Variants in PTPN14 observed in about 807,000 individuals in gnomAD.
The protein encoded by PTPN14 is protein tyrosine phosphatase non-receptor type 14, also known as tyrosine-protein phosphatase non-receptor type 14.
Under a neutral mutation model 126.8 loss-of-function variants are expected in PTPN14, and 53 were observed. The ratio of observed to expected loss-of-function variants is 0.42; its 90% CI spans 0.34 to 0.53. The LOEUF is 0.53. Ranked by LOEUF, PTPN14 falls within the 20% of genes least tolerant of loss-of-function variation. The probability of loss-of-function intolerance (pLI) is 0.08; values close to 1 mark genes in which losing one functional copy is unlikely to be tolerated. For synonymous variants in PTPN14, 630 were observed against 599.3 expected, an observed-to-expected ratio of 1.05 and a Z score of -0.75; for missense variants, 1,257 against 1,552.9, an observed-to-expected ratio of 0.81 and a Z score of 3.20.
At chr1:214,453,788 T>G (rs951993875) in intron 2 of PTPN14, among the ~76,000 whole-genome samples, 1 of 152,050 alleles carries the variant, frequency 6.6e-6, no homozygotes, top group Admixed American at 6.5e-5. Context: ...CAGGCAAAGG[T>G]AGAAGCTGGA....
At chr1:214,526,861 G>A (rs1203039261) in intron 1 of PTPN14, among the ~76,000 whole-genome samples, 2 of 152,162 alleles carry the variant, frequency 1.3e-5, no homozygotes, top group East Asian at 1.9e-4. Flanking sequence ...GGAGGCCAAC[G>A]CGGGGGGATC....
At chr1:214,402,755 A>C in intron 6 of PTPN14, 128 bp downstream of exon 6, 1 of 1,010,986 alleles carries the variant, frequency 9.9e-7, no homozygotes, top group South Asian at 1.6e-5. Flanking sequence ...GAGCTGAGTC[A>C]CGTGGTGGAA....
chr1:214,397,186 T>G (rs1039508957), intron 8 of PTPN14, among the ~76,000 whole-genome samples: 21 of 152,278 alleles, frequency 1.4e-4, no homozygotes, highest in Admixed American at 1.3e-3. Context: ...TTCCAGAAGG[T>G]GGGCTATGCT....
intron 16 of PTPN14, chr1:214,372,286 A>C (rs755980065): frequency 5.6e-6 from 1 of 177,940 alleles, no homozygotes; most frequent in Non-Finnish European, 1.1e-5. Context: ...GGATGATGGC[A>C]TGTGGAGCTG....
chr1:214,415,695 G>A (rs1019296127), intron 3 of PTPN14, among the ~76,000 whole-genome samples: 4 of 152,108 alleles, frequency 2.6e-5, no homozygotes, highest in African/African-American at 9.7e-5. Context: ...GATGTCACAG[G>A]CATCATTACA....
chr1:214,364,667 C>T lies in PTPN14; in HGVS notation c.3280G>A (p.Glu1094Lys). 4 of 1,612,304 alleles carry T rather than the reference C, an allele frequency of 2.5e-6. No individual in the cohort carries two copies. Among genetic ancestry groups the T allele is most frequent in the Non-Finnish European group, 3.4e-6 (4 of 1,179,446 alleles). Residue 1094 changes from glutamate (E) to lysine (K), a missense_variant, in exon 18 of 19, where the codon GAG (glutamate) becomes AAG (lysine). Glu to Lys is a moderately conservative substitution (Grantham distance 56). Around this residue, in one of 3 missense-constraint regions of PTPN14, gnomAD observed 171 missense variants for 229.8 expected, o/e 0.74. Coordinates refer to ENST00000366956, the MANE Select transcript of PTPN14 (RefSeq NM_005401.5). The surrounding 1 kb of genome is among the most constrained non-coding windows in gnomAD (Gnocchi z 4.1). ...TGGCGACGGACCGACTGGATCTCCT[C>T]CAAGTAGGCTGCAGGACAAAATGCA... ...EDVQGFLSYL[E>K]EIQSVRRHTN...
At position 214,484,136 on chromosome 1, in the gene PTPN14, G is replaced by A. The variant is rs567304203; in HGVS notation, c.-154-19179C>T. Among the ~76,000 whole-genome samples the A allele has an allele frequency of 5.9e-5, 9 of 152,330 alleles. No individual in the cohort carries two copies. The South Asian group carries it at 1.4e-3, about 25-fold the overall frequency. ...TAGGAATTTGGTGTTGGATGTGGTG[G>A]CTCATGCCTGTAATCCCAGCACTTC... On this transcript the variant is annotated intron_variant, in intron 1 of 18. Transcript: ENST00000366956.
intron 1 of PTPN14, among the ~76,000 whole-genome samples, chr1:214,503,274 G>C (rs1229146554): frequency 1.3e-5 from 2 of 152,188 alleles, no homozygotes; most frequent in Non-Finnish European, 2.9e-5. Flanking sequence ...CTAATGACAT[G>C]TAAGAGATAA....
intron 2 of PTPN14, among the ~76,000 whole-genome samples, chr1:214,456,998 G>A (rs549165014): frequency 2.0e-5 from 3 of 152,282 alleles, no homozygotes; most frequent in African/African-American, 7.2e-5. Flanking sequence ...TTATCTGCCA[G>A]GGCATGAGGT....
At chr1:214,455,569 G>T (rs1402236294) in intron 2 of PTPN14, among the ~76,000 whole-genome samples, 2 of 152,134 alleles carry the variant, frequency 1.3e-5, no homozygotes, top group Non-Finnish European at 2.9e-5. Flanking sequence ...TCTGCAATAA[G>T]TTTACTGCAA....
intron 13 of PTPN14, among the ~76,000 whole-genome samples, chr1:214,380,560 G>T (rs1179358634): frequency 6.6e-6 from 1 of 152,176 alleles, no homozygotes; most frequent in Non-Finnish European, 1.5e-5. Flanking sequence ...TAAAAGCGGC[G>T]GAACCATCCA....
At position 214,352,652 on chromosome 1, in the gene PTPN14, T is replaced by C. The variant is rs1657727986; in HGVS notation, c.*5270A>G. ...CGTTCAAGAGAAGTATCAAATGCAG[T>C]TTAACATCTTACAGCTTTATTTCCA... On this transcript the variant is annotated 3_prime_UTR_variant, in exon 19 of 19. Coordinates refer to ENST00000366956, the MANE Select transcript of PTPN14 (RefSeq NM_005401.5). 1 of 152,236 alleles carries C rather than the reference T, an allele frequency of 6.6e-6. No individual in the cohort carries two copies. The highest frequency in any genetic ancestry group is 2.4e-5 in the African/African-American group (1 of 41,458). 9.4% of individuals were successfully genotyped at this position (152,236 alleles called of 1,614,324 possible). A position where few individuals can be genotyped will look rare whatever the true frequency, so the allele number is the denominator to read the frequency against.
Position 214,378,044 on chromosome 1 carries a change from G to A in PTPN14, c.2603C>T (p.Ala868Val), listed in dbSNP as rs1294302453. ...LEAQKRPLML[A>V]ALNGLSVARV... is the part of the protein sequence containing the mutation. ...AGCCACCGAGAGCCCATTCAATGCT[G>A]CCAACATCAGCGGCCTCTTCTGTGC... Residue 868 changes from alanine to valine, a missense_variant, in exon 14 of 19, where the codon GCA (alanine) becomes GTA (valine). By Grantham distance (64) the Ala-to-Val change is moderately conservative (BLOSUM62 0). Transcript: ENST00000366956. 6.2e-7 allele frequency: 1 copy of A among 1,612,468 alleles called. No individual in the cohort carries two copies. The highest frequency in any genetic ancestry group is 8.5e-7 in the Non-Finnish European group (1 of 1,179,940).
chr1:214,495,820 G>A lies in PTPN14; in HGVS notation c.-154-30863C>T, dbSNP rs559607425. ...AGCGATGCTCCTGCCTCAGCCTCCC[G>A]AGTAGCTGGGATTACAGGCACACGC... is the stretch of plus-strand genomic sequence containing the variant. On this transcript the variant is annotated intron_variant, in intron 1 of 18. Coordinates refer to ENST00000366956, the MANE Select transcript of PTPN14 (RefSeq NM_005401.5). 3.4e-3 allele frequency among the ~76,000 whole-genome samples: 511 copies of A among 152,036 alleles called. 1 individual carries two copies. Among genetic ancestry groups the A allele is most frequent in the African/African-American group, 0.012 (501 of 41,474 alleles).
chr1:214,372,919 C>T, intron 15 of PTPN14, 80 bp from the exon 16 acceptor site: 1 of 1,552,282 alleles, frequency 6.4e-7, no homozygotes, highest in Non-Finnish European at 8.7e-7. Flanking sequence ...CATCTGTATC[C>T]ACCTTAAAAC....
rs1469593539 is a variant in PTPN14 at position 214,397,951 on chromosome 1, G to A, written c.720C>T (p.Phe240=). ...VHLGIFFMGI[F]VRNRIGRQAV... is the part of the protein sequence containing the mutation. ...CTTGTCTTCCAATTCTGTTCCTCAC[G>A]AAAATCCCCATAAAGAAAATGCCAA... The change falls in exon 8 of 19, where the codon TTC becomes TTT. Residue 240 remains phenylalanine (F), a synonymous_variant. Coordinates refer to ENST00000366956, the MANE Select transcript of PTPN14 (RefSeq NM_005401.5). 7 of 1,612,982 alleles carry A rather than the reference G, an allele frequency of 4.3e-6. 1 individual carries two copies. Among genetic ancestry groups the A allele is most frequent in the Middle Eastern group, 1.7e-4 (1 of 6,056 alleles).
intron 1 of PTPN14, among the ~76,000 whole-genome samples, chr1:214,536,873 T>A (rs1166367676): frequency 6.6e-6 from 1 of 152,214 alleles, no homozygotes; most frequent in African/African-American, 2.4e-5. Flanking sequence ...CTGTGATTAC[T>A]TTTGCGCCAA....
At chr1:214,376,505 T>G in intron 14 of PTPN14, 68 bp from the exon 15 acceptor site, 2 of 1,327,358 alleles carry the variant, frequency 1.5e-6, no homozygotes, top group Middle Eastern at 3.8e-4. Context: ...ACAACCAAAT[T>G]TCTTTAAATA....
intron 3 of PTPN14, among the ~76,000 whole-genome samples, chr1:214,433,826 T>C (rs2102610888): frequency 6.6e-6 from 1 of 151,930 alleles, no homozygotes; most frequent in South Asian, 2.1e-4. Flanking sequence ...TGGTAGCTCA[T>C]GCCTGTAGCT....
Sources: gnomAD v4.1 joint callset for allele counts (sites outside exome capture counted in the v4.1 genomes callset) on GRCh38, gnomAD v4.1.1 for gene constraint, gnomAD v4.1.1 regional missense constraint, Gnocchi (gnomAD v3.1) non-coding constraint, MANE v1.5 for transcripts, NCBI Gene and HGNC (gene_info 2026-07-23, HGNC 2026-07-21) for gene names.